Variants in KRT25 observed in about 807,000 individuals in gnomAD.
KRT25 encodes the protein keratin 25.
KRT25 carries 37 observed loss-of-function variants against 47.6 expected under a neutral mutation model. The ratio of observed to expected loss-of-function variants is 0.78; its 90% CI spans 0.60 to 1.02. KRT25 has a LOEUF of 1.02. KRT25 is among the 50% of genes least tolerant of loss of function. KRT25 has a pLI of 0.00. For missense variants in KRT25, 542 were observed against 550.3 expected (o/e 0.98, Z 0.15); for synonymous variants, 203 against 210.2 (o/e 0.97, Z 0.30).
rs141167201 is a variant in KRT25 at position 40,754,269 on chromosome 17, A to G, written c.512+117T>C. The G allele has an allele frequency of 6.1e-3, 5,493 of 898,758 alleles. 29 individuals are homozygous for G. Among genetic ancestry groups the G allele is most frequent in the Admixed American group, 8.9e-3 (405 of 45,394 alleles). 55.7% of individuals were successfully genotyped at this position (898,758 alleles called of 1,614,324 possible). On this transcript the variant is annotated intron_variant, in intron 2 of 7. Transcript: ENST00000312150. Reference sequence around the variant, plus strand: ...ATAGTCAAAGCATAAAAAAGTAATAACATCCTGTTTATGTGAAATTCAAGT... The same window carrying G: ...ATAGTCAAAGCATAAAAAAGTAATAGCATCCTGTTTATGTGAAATTCAAGT...
intron 5 of KRT25, 60 bp downstream of exon 5, chr17:40,750,894 C>G: frequency 6.4e-7 from 1 of 1,574,290 alleles, no homozygotes; most frequent in East Asian, 2.3e-5. Context: ...TTAAAACCAG[C>G]TGGCAAGTAT....
chr17:40,754,971 C>A lies in KRT25; in HGVS notation c.301G>T (p.Glu101Ter), dbSNP rs535524241. The change falls in exon 1 of 8, where the codon GAG becomes TAG. Residue 101 changes from glutamate to a stop codon, truncating the protein, a stop_gained. Transcript: ENST00000312150. LOFTEE classifies it high-confidence loss of function. ...TGCTCCAGGTCAGCGTTGGCCTCCT[C>A]CAGAGCATGCACACTGTCCAGGTAG... is the stretch of plus-strand genomic sequence containing the variant. ...ASYLDSVHAL[E>*]EANADLEQKI... 3.1e-6 allele frequency: 5 copies of A among 1,614,166 alleles called. No homozygotes were observed. The highest frequency in any genetic ancestry group is 1.1e-5 in the South Asian group (1 of 91,080).
intron 3 of KRT25, among the ~76,000 whole-genome samples, chr17:40,752,108 G>A (rs995041413): frequency 6.6e-6 from 1 of 152,048 alleles, no homozygotes; most frequent in Admixed American, 6.5e-5. Flanking sequence ...TGAAAATTGA[G>A]GATAATTAAA....
intron 2 of KRT25, 79 bp from the exon 3 acceptor site, chr17:40,754,095 T>C: frequency 7.2e-7 from 1 of 1,385,544 alleles, no homozygotes. Flanking sequence ...TGACAAATGC[T>C]AGCATTCTGG....
At chr17:40,749,029 C>G (rs2038021745) in intron 7 of KRT25, among the ~76,000 whole-genome samples, 2 of 151,950 alleles carry the variant, frequency 1.3e-5, no homozygotes, top group South Asian at 4.2e-4. Context: ...AAGAAGGAAA[C>G]AACAGATACT....
intron 5 of KRT25, among the ~76,000 whole-genome samples, 159 bp downstream of exon 5, chr17:40,750,795 G>A (rs2038038846): frequency 6.6e-6 from 1 of 152,226 alleles, no homozygotes; most frequent in South Asian, 2.1e-4. Flanking sequence ...AGACATTCGT[G>A]TAGTTTTAGG....
chr17:40,751,098 A>G lies in KRT25; in HGVS notation c.832-19T>C, dbSNP rs888871827. On this transcript the variant is annotated intron_variant, in intron 4 of 7. Coordinates refer to ENST00000312150, the MANE Select transcript of KRT25 (RefSeq NM_181534.4). ...AGGCGCTCTGAAATGACATAAGTGA[A>G]GGAGCAAATCTTAGTTTTGTGAATA... is the stretch of plus-strand genomic sequence containing the variant. The G allele has an allele frequency of 1.2e-6, 2 of 1,614,056 alleles. No homozygotes were observed. Among genetic ancestry groups the G allele is most frequent in the Non-Finnish European group, 1.7e-6 (2 of 1,180,028 alleles).
At position 40,751,662 on chromosome 17, in the gene KRT25, G is replaced by A. The variant is rs577836185; in HGVS notation, c.670-336C>T. Among the ~76,000 whole-genome samples the A allele has an allele frequency of 2.0e-5, 3 of 152,150 alleles. No individual in the cohort carries two copies. In the South Asian group the frequency reaches 6.2e-4, roughly 32 times the overall value. On this transcript the variant is annotated intron_variant, in intron 3 of 7. Transcript: ENST00000312150. ...ATCTTAATTCCTTTTCCATATGAAAGTTTTAAACATTTAAAATGAATGGTC... is the reference window on the plus strand; with the variant it reads ...ATCTTAATTCCTTTTCCATATGAAAATTTTAAACATTTAAAATGAATGGTC...
At chr17:40,750,639 A>G (rs1473977868) in intron 5 of KRT25, 42 bp from the exon 6 acceptor site, 1 of 1,606,160 alleles carries the variant, frequency 6.2e-7, no homozygotes, top group Non-Finnish European at 8.5e-7. Flanking sequence ...GGATATGCAG[A>G]TATGCAGGGA....
At chr17:40,754,592 C>T (rs1292814971) in intron 1 of KRT25, 124 bp from the exon 2 acceptor site, 3 of 901,048 alleles carry the variant, frequency 3.3e-6, no homozygotes, top group Non-Finnish European at 5.2e-6. Context: ...GTGGCAGGCA[C>T]CTGTAATCCC....
chr17:40,749,556 C>T (rs915036056), intron 6 of KRT25, among the ~76,000 whole-genome samples: 1 of 152,190 alleles, frequency 6.6e-6, no homozygotes, highest in Admixed American at 6.5e-5. Context: ...GCAGAAGAGG[C>T]TGTCATGAGA....
intron 6 of KRT25, among the ~76,000 whole-genome samples, chr17:40,749,586 A>G (rs947534447): frequency 6.0e-4 from 91 of 152,248 alleles, no homozygotes; most frequent in African/African-American, 2.1e-3. Context: ...CAGTTCTAGC[A>G]TGCCACTGGG....
chr17:40,748,478 A>G, intron 7 of KRT25, 92 bp from the exon 8 acceptor site: 1 of 809,550 alleles, frequency 1.2e-6, no homozygotes, highest in East Asian at 2.9e-5. Context: ...TGCATACAGA[A>G]TGAACTTTGC....
intron 3 of KRT25, among the ~76,000 whole-genome samples, chr17:40,752,347 G>T (rs1047945810): frequency 6.6e-6 from 1 of 152,260 alleles, no homozygotes; most frequent in East Asian, 1.9e-4. Flanking sequence ...GCATCGCTGC[G>T]AAGACTGTGT....
intron 5 of KRT25, 148 bp downstream of exon 5, chr17:40,750,806 T>C (rs988299568): frequency 8.3e-7 from 1 of 1,209,332 alleles, no homozygotes; most frequent in Non-Finnish European, 1.2e-6. Context: ...TAGTTTTAGG[T>C]GTCAGCTATA....
chr17:40,751,334 C>A lies in KRT25; in HGVS notation c.670-8G>T, dbSNP rs1402515293. 1 of 1,605,032 alleles carries A rather than the reference C, an allele frequency of 6.2e-7. No individual in the cohort carries two copies. The highest frequency in any genetic ancestry group is 8.5e-7 in the Non-Finnish European group (1 of 1,175,980). ...CTGCAGAACTTGCATTTCCTAGAGG[C>A]AGAAAAGTGTTCTGCTCAGCTCTGC... On this transcript the variant is annotated splice_polypyrimidine_tract_variant and splice_region_variant and intron_variant, in intron 3 of 7. Transcript: ENST00000312150.
At chr17:40,753,750 A>G (rs1260592019) in intron 3 of KRT25, 110 bp downstream of exon 3, 2 of 421,804 alleles carry the variant, frequency 4.7e-6, no homozygotes, top group Non-Finnish European at 8.5e-6. Flanking sequence ...TGTCTGTCTG[A>G]CAATGTGTCT....
chr17:40,748,248 G>T lies in KRT25; in HGVS notation c.*29C>A. ...AATGCCTTTTCTTCGCAGGGGCTAT[G>T]TGGCATACGTTCTCTGTTGCATCTC... On this transcript the variant is annotated 3_prime_UTR_variant, in exon 8 of 8. Transcript: ENST00000312150. 1 of 1,439,638 alleles carries T rather than the reference G, an allele frequency of 6.9e-7. No homozygotes were observed. The highest frequency in any genetic ancestry group is 9.7e-7 in the Non-Finnish European group (1 of 1,028,904). The allele number at this position is 1,439,638 out of a possible 1,614,324, so 89.2% of individuals were successfully genotyped here.
intron 7 of KRT25, among the ~76,000 whole-genome samples, 173 bp from the exon 8 acceptor site, chr17:40,748,559 C>T (rs996957801): frequency 1.3e-5 from 2 of 152,154 alleles, no homozygotes; most frequent in African/African-American, 2.4e-5. Context: ...AACATGGTGA[C>T]ATGTTATTTT....
Sources: gnomAD v4.1 joint callset for allele counts (sites outside exome capture counted in the v4.1 genomes callset) on GRCh38, gnomAD v4.1.1 for gene constraint, MANE v1.5 for transcripts, NCBI Gene and HGNC (gene_info 2026-07-23, HGNC 2026-07-21) for gene names.